LCA5L: variants seen among roughly 807,000 people sequenced by gnomAD.
LCA5L encodes the protein lebercilin-like protein.
A neutral mutation model predicts 45.4 loss-of-function variants in LCA5L; 35 were observed. That is an observed-to-expected ratio of 0.77 (90% CI 0.59 to 1.02). The LOEUF (loss-of-function observed/expected upper bound fraction) is 1.02, where lower values mean the gene tolerates loss of function less well. Ranked by LOEUF, LCA5L falls within the 50% of genes least tolerant of loss-of-function variation. The pLI, the probability that LCA5L is intolerant of heterozygous loss-of-function variation, is 0.00. For synonymous variants in LCA5L, 233 were observed against 264.7 expected (o/e 0.88, Z 1.16); for missense variants, 668 against 761.6 (o/e 0.88, Z 1.45).
intron 7 of LCA5L, among the ~76,000 whole-genome samples, chr21:39,418,330 A>T (rs1440150319): frequency 4.6e-5 from 7 of 152,070 alleles, no homozygotes; most frequent in African/African-American, 1.7e-4. Context: ...GTACATCAAG[A>T]TTCTTCATTG....
chr21:39,434,201 AAAC>A, intron 3 of LCA5L, among the ~76,000 whole-genome samples: 1 of 152,276 alleles, frequency 6.6e-6, no homozygotes, highest in Middle Eastern at 3.4e-3. Flanking sequence ...TCAGCAATGT[AAAC>A]AAAAGTAAAA....
At position 39,406,163 on chromosome 21, in the gene LCA5L, A is replaced by G. The variant is rs1307348823; in HGVS notation, c.1732T>C (p.Phe578Leu). The change falls in exon 11 of 11, where the codon TTT (phenylalanine) becomes CTT (leucine). Residue 578 changes from phenylalanine (F) to leucine (L), a missense_variant. Transcript: ENST00000288350. ...ACTTTTATTCTGGAAGACTTACCAA[A>G]TGAGGGCTCATACCCACTGTCAGAA... ...EHSDSGYEPS[F>L]GKSSRIKVKD... The G allele has an allele frequency of 6.2e-7, 1 of 1,614,244 alleles. No homozygotes were observed. The highest frequency in any genetic ancestry group is 1.1e-5 in the South Asian group (1 of 91,090).
chr21:39,421,579 A>G (rs2073775569), intron 6 of LCA5L: 1 of 152,206 alleles, frequency 6.6e-6, no homozygotes, highest in Non-Finnish European at 1.5e-5. Flanking sequence ...GCTCTCTGGA[A>G]TGAGAACTAT....
chr21:39,417,685 G>A (rs180888685), intron 7 of LCA5L, among the ~76,000 whole-genome samples: 31 of 152,292 alleles, frequency 2.0e-4, no homozygotes, highest in African/African-American at 6.7e-4. Context: ...CAAAGGAGGA[G>A]CAAAAGGACT....
intron 5 of LCA5L, among the ~76,000 whole-genome samples, chr21:39,425,618 T>C (rs1360573937): frequency 2.6e-5 from 4 of 152,180 alleles, no homozygotes; most frequent in African/African-American, 9.7e-5. Context: ...TACACTTTAA[T>C]ACTCTGGGCA....
In LCA5L at chr21:39,436,531, G is replaced by A. The variant is rs550284143; in HGVS notation, c.-245-958C>T. Among the ~76,000 whole-genome samples, 40 of 152,230 alleles carry A rather than the reference G, an allele frequency of 2.6e-4. No individual in the cohort carries two copies. In the South Asian group the frequency reaches 8.3e-3, roughly 32 times the overall value. The stretch of plus-strand genomic sequence containing the variant: ...GAGTCTCACTGTGTCATCCAGGCTG[G>A]AGTGCAGTGGTGTTAGCTCAGCTCA... On this transcript the variant is annotated intron_variant, in intron 2 of 10. Transcript: ENST00000288350.
intron 7 of LCA5L, among the ~76,000 whole-genome samples, chr21:39,414,742 C>CTCTCTCTGTGTG (rs1341489035): frequency 2.0e-5 from 2 of 99,176 alleles, no homozygotes; most frequent in African/African-American, 4.4e-5. Context: ...CTCTCTCTCT[C>CTCTCTCTGTGTG]TGTGTGTGTG....
chr21:39,424,403 C>T (rs970719753), intron 5 of LCA5L, among the ~76,000 whole-genome samples: 1 of 152,144 alleles, frequency 6.6e-6, no homozygotes, highest in African/African-American at 2.4e-5. Context: ...ATCCCTTGAG[C>T]CCAGGAGTTT....
At chr21:39,438,125 C>T (rs1355469787) in intron 2 of LCA5L, among the ~76,000 whole-genome samples, 2 of 152,138 alleles carry the variant, frequency 1.3e-5, no homozygotes, top group Admixed American at 1.3e-4. Context: ...TAGAAAACTA[C>T]AGTCACTAAA....
At chr21:39,420,963 G>T in intron 6 of LCA5L, 120 bp from the exon 7 acceptor site, 4 of 701,260 alleles carry the variant, frequency 5.7e-6, no homozygotes, top group Non-Finnish European at 9.3e-6. Context: ...TTTAGTGAAT[G>T]ACTTATACAG....
rs150754131 is a variant in LCA5L, at chr21:39,406,110, T to C, written c.1785A>G (p.Lys595=). 4 of 1,614,106 alleles carry C rather than the reference T, an allele frequency of 2.5e-6. No individual in the cohort carries two copies. Among genetic ancestry groups the C allele is most frequent in the Non-Finnish European group, 3.4e-6 (4 of 1,180,046 alleles). ...KVKDTTFRDK[K]SSLMEELFGS... is the part of the protein sequence containing the mutation. ...CAAAGAGTTCTTCCATGAGACTGCT[T>C]TTCTTATCTCTGAAAGTTGTATCCT... Residue 595 remains lysine (K), a synonymous_variant, in exon 11 of 11, where the codon AAA becomes AAG. Coordinates refer to ENST00000288350, the MANE Select transcript of LCA5L (RefSeq NM_152505.4).
chr21:39,427,291 G>C (rs2074889840), intron 5 of LCA5L, among the ~76,000 whole-genome samples: 1 of 152,200 alleles, frequency 6.6e-6, no homozygotes, highest in South Asian at 2.1e-4. Flanking sequence ...GGCAGGGAAG[G>C]AGGAAGAAAG....
At chr21:39,410,890 G>A (rs1413661232) in intron 8 of LCA5L, 1 of 471,066 alleles carries the variant, frequency 2.1e-6, no homozygotes, top group Non-Finnish European at 4.4e-6. Context: ...ATTTGAGGTT[G>A]TTGCATCTGG....
intron 2 of LCA5L, chr21:39,439,000 T>C (rs1329259661): frequency 6.6e-6 from 1 of 152,176 alleles, no homozygotes; most frequent in Admixed American, 6.5e-5. Flanking sequence ...TGTGTTACTA[T>C]ATATAGCAAA....
At chr21:39,413,137 G>C (rs1241665659) in intron 7 of LCA5L, among the ~76,000 whole-genome samples, 2 of 152,150 alleles carry the variant, frequency 1.3e-5, no homozygotes, top group African/African-American at 4.8e-5. Context: ...CATCAGACAG[G>C]GTCCTGGGAA....
At chr21:39,440,518 AGAGT>A (rs1040930845) in intron 2 of LCA5L, among the ~76,000 whole-genome samples, 3 of 152,190 alleles carry the variant, frequency 2.0e-5, no homozygotes, top group African/African-American at 7.2e-5. Context: ...AGCCCGGACA[AGAGT>A]GAGACCCTGT....
At chr21:39,424,321 A>C (rs2074270878) in intron 5 of LCA5L, among the ~76,000 whole-genome samples, 1 of 152,234 alleles carries the variant, frequency 6.6e-6, no homozygotes, top group African/African-American at 2.4e-5. Flanking sequence ...GCCTCTACAA[A>C]ATTTTGAAAA....
At chr21:39,425,103 T>C (rs2074437544) in intron 5 of LCA5L, among the ~76,000 whole-genome samples, 1 of 152,206 alleles carries the variant, frequency 6.6e-6, no homozygotes, top group Admixed American at 6.5e-5. Flanking sequence ...AGTGTATGTA[T>C]TCATATATCT....
rs2039609792 is a variant in LCA5L at position 39,409,053 on chromosome 21, T to G, written c.1282+926A>C. Among the ~76,000 whole-genome samples, 1 of 152,328 alleles carries G rather than the reference T, an allele frequency of 6.6e-6. No homozygotes were observed. The highest frequency in any genetic ancestry group is 6.5e-5 in the Admixed American group (1 of 15,302). ...CCGTAACCCCCAGTATGGCTATATT[T>G]GGAGACTGGGTCTTTAAGGAAGTAA... On this transcript the variant is annotated intron_variant, in intron 10 of 10. Transcript: ENST00000288350. The surrounding 1 kb of genome is among the most constrained non-coding windows in gnomAD (Gnocchi z 4.2).
Sources: gnomAD v4.1 joint callset for allele counts (sites outside exome capture counted in the v4.1 genomes callset) on GRCh38, gnomAD v4.1.1 for gene constraint, Gnocchi (gnomAD v3.1) non-coding constraint, MANE v1.5 for transcripts, NCBI Gene and HGNC (gene_info 2026-07-23, HGNC 2026-07-21) for gene names.